CMSS1: variants seen among roughly 807,000 people sequenced by gnomAD.
CMSS1 encodes cms1 ribosomal small subunit homolog, also known as protein CMSS1.
Under a neutral mutation model 43.5 loss-of-function variants are expected in CMSS1, and 33 were observed. The ratio of observed to expected loss-of-function variants is 0.76; its 90% CI spans 0.57 to 1.01. The LOEUF is 1.01. Among genes scored for constraint, CMSS1 ranks in the 50% least tolerant of loss-of-function variants. CMSS1 has a pLI of 0.00. For synonymous variants in CMSS1, 115 were observed against 117.2 expected, an observed-to-expected ratio of 0.98 and a Z score of 0.12; for missense variants, 313 against 326.4, an observed-to-expected ratio of 0.96 and a Z score of 0.32.
At chr3:100,055,073 C>T (rs1258141774) in intron 1 of CMSS1, among the ~76,000 whole-genome samples, 1 of 152,158 alleles carries the variant, frequency 6.6e-6, no homozygotes, top group Non-Finnish European at 1.5e-5. Flanking sequence ...TCACAGTTGT[C>T]TTTCTGGAAG....
chr3:100,056,735 C>T (rs984855261), intron 1 of CMSS1, among the ~76,000 whole-genome samples: 6 of 151,154 alleles, frequency 4.0e-5, no homozygotes, highest in African/African-American at 1.5e-4. Flanking sequence ...CGCGGTGGCT[C>T]ACGCCTGTAA....
intron 1 of CMSS1, among the ~76,000 whole-genome samples, chr3:99,893,112 C>G (rs1383042221): frequency 6.8e-6 from 1 of 147,200 alleles, no homozygotes; most frequent in Non-Finnish European, 1.5e-5. Flanking sequence ...TAGAAGACAC[C>G]TTTCTGCTTT....
chr3:99,829,891 C>T (rs1942617357), intron 1 of CMSS1, among the ~76,000 whole-genome samples: 1 of 152,194 alleles, frequency 6.6e-6, no homozygotes, highest in Non-Finnish European at 1.5e-5. Flanking sequence ...TAAGAATTAT[C>T]ACTTTGCTTT....
intron 1 of CMSS1, among the ~76,000 whole-genome samples, chr3:99,969,655 C>G (rs746217468): frequency 6.6e-6 from 1 of 152,038 alleles, no homozygotes. Context: ...GGCAAAGGCA[C>G]GGGGAGCCTG....
chr3:99,985,963 A>G (rs116560621), intron 1 of CMSS1, among the ~76,000 whole-genome samples: 1 of 152,202 alleles, frequency 6.6e-6, no homozygotes, highest in Non-Finnish European at 1.5e-5. Context: ...ATGACCACAG[A>G]ACACATTTGT....
In CMSS1 at chr3:99,924,540, A is replaced by G. The variant is rs1354937664; in HGVS notation, c.64+106497A>G. 8 of 938,016 alleles carry G rather than the reference A, an allele frequency of 8.5e-6. No individual in the cohort carries two copies. The East Asian group carries it at 9.8e-5, about 11-fold the overall frequency. 58.1% of individuals were successfully genotyped at this position (938,016 alleles called of 1,614,324 possible). ...TGGTTTTTTGTTTGTTTGTTTTGAA[A>G]CAGTTTTCGCTGTCGTTGCCCAGGC... On this transcript the variant is annotated intron_variant, in intron 1 of 9. Coordinates refer to ENST00000421999, the MANE Select transcript of CMSS1 (RefSeq NM_032359.4).
chr3:99,900,261 A>G (rs1019353464), intron 1 of CMSS1, among the ~76,000 whole-genome samples: 10 of 152,224 alleles, frequency 6.6e-5, no homozygotes, highest in African/African-American at 9.6e-5. Context: ...CAACTCATCT[A>G]CATTGATGAG....
At chr3:99,999,684 T>G (rs1017134341) in intron 1 of CMSS1, among the ~76,000 whole-genome samples, 1 of 152,184 alleles carries the variant, frequency 6.6e-6, no homozygotes, top group African/African-American at 2.4e-5. Context: ...GATGGTTCAT[T>G]GCTTTATGAT....
chr3:99,926,059 A>G (rs569074054), intron 1 of CMSS1, among the ~76,000 whole-genome samples: 6 of 152,372 alleles, frequency 3.9e-5, no homozygotes, highest in African/African-American at 1.4e-4. Flanking sequence ...TGATTTTTAC[A>G]GTTTGCCTTT....
intron 1 of CMSS1, among the ~76,000 whole-genome samples, chr3:100,038,005 A>T (rs1180094528): frequency 7.4e-6 from 1 of 135,332 alleles, no homozygotes; most frequent in African/African-American, 2.9e-5. Context: ...GCCCAGGTGG[A>T]GTGCAGTGGC....
At chr3:99,868,641 C>G (rs1194089112) in intron 1 of CMSS1, among the ~76,000 whole-genome samples, 1 of 152,194 alleles carries the variant, frequency 6.6e-6, no homozygotes, top group Non-Finnish European at 1.5e-5. Context: ...GGTTTTTAAA[C>G]TTACAGTTTG....
At chr3:99,863,165 G>A (rs989510870) in intron 1 of CMSS1, among the ~76,000 whole-genome samples, 22 of 152,086 alleles carry the variant, frequency 1.4e-4, no homozygotes, top group African/African-American at 5.3e-4. Context: ...TGTCCCACTC[G>A]GATCATCAGG....
chr3:100,014,349 T>C (rs1231701397), intron 1 of CMSS1, among the ~76,000 whole-genome samples: 1 of 152,152 alleles, frequency 6.6e-6, no homozygotes, highest in Admixed American at 6.5e-5. Context: ...TTCTTTTGGC[T>C]ATATACCCAA....
At chr3:99,956,671 A>G (rs1205781763) in intron 1 of CMSS1, among the ~76,000 whole-genome samples, 1 of 152,188 alleles carries the variant, frequency 6.6e-6, no homozygotes, top group Non-Finnish European at 1.5e-5. Flanking sequence ...TTTGGATCAT[A>G]AGCATCGCCT....
intron 1 of CMSS1, among the ~76,000 whole-genome samples, chr3:100,122,758 C>G (rs1181777008): frequency 6.6e-6 from 1 of 152,212 alleles, no homozygotes; most frequent in Admixed American, 6.5e-5. Context: ...AGCCATACAT[C>G]AGCTCTCCAT....
chr3:100,102,754 A>C (rs2066331208), intron 1 of CMSS1, among the ~76,000 whole-genome samples: 1 of 152,186 alleles, frequency 6.6e-6, no homozygotes, highest in Non-Finnish European at 1.5e-5. Context: ...CTTGGCTATG[A>C]AAGACAATAA....
intron 1 of CMSS1, among the ~76,000 whole-genome samples, chr3:99,825,536 A>G (rs793474): frequency 0.72 from 110,201 of 152,058 alleles, 40,434 homozygotes; most frequent in African/African-American, 0.85. Flanking sequence ...GTTCTTTCAG[A>G]TGATTAAATG....
intron 1 of CMSS1, among the ~76,000 whole-genome samples, chr3:99,896,419 T>G (rs12493124): frequency 0.051 from 7,745 of 152,304 alleles, 299 homozygotes; most frequent in South Asian, 0.13. Flanking sequence ...TTTCTGTGTG[T>G]GAAGTGTATA....
At chr3:99,970,432 A>G (rs1161533515) in intron 1 of CMSS1, among the ~76,000 whole-genome samples, 1 of 152,226 alleles carries the variant, frequency 6.6e-6, no homozygotes, top group Non-Finnish European at 1.5e-5. Context: ...GTGGTTCACT[A>G]GTCAGTTTTG....
Sources: allele counts gnomAD v4.1 joint callset (sites outside exome capture counted in the v4.1 genomes callset), GRCh38; gene constraint gnomAD v4.1.1; transcripts MANE v1.5; gene names NCBI Gene and HGNC (gene_info 2026-07-23, HGNC 2026-07-21).